Variants in SNX29 observed in about 807,000 individuals in gnomAD.
SNX29 encodes the protein sorting nexin 29, also known as sorting nexin-29.
A neutral mutation model predicts 102.1 loss-of-function variants in SNX29; 78 were observed. The ratio of observed to expected loss-of-function variants is 0.76; its 90% CI spans 0.64 to 0.92. SNX29 has a LOEUF of 0.92. Among genes scored for constraint, SNX29 ranks in the 40% least tolerant of loss-of-function variants. SNX29 has a pLI of 0.00. For synonymous variants in SNX29, 580 were observed against 414.5 expected (o/e 1.40, Z -4.85); for missense variants, 1,280 against 1,061.7 (o/e 1.21, Z -2.86).
At chr16:12,267,736 G>A (rs1248737984) in intron 14 of SNX29, among the ~76,000 whole-genome samples, 1 of 152,178 alleles carries the variant, frequency 6.6e-6, no homozygotes, top group African/African-American at 2.4e-5. Flanking sequence ...ATCTTTTGGA[G>A]GGAGATCTGA....
In SNX29 at chr16:12,477,760, C is replaced by G. The variant is rs1356894875; in HGVS notation, c.2079C>G (p.Arg693=). 1 of 1,613,174 alleles carries G rather than the reference C, an allele frequency of 6.2e-7. No homozygotes were observed. Among genetic ancestry groups the G allele is most frequent in the Non-Finnish European group, 8.5e-7 (1 of 1,179,654 alleles). ...AAGACGATGAATGGAATATTTATCG[C>G]CGGTATACAGAGTTCAGGAGTTTGC... ...RIKDDEWNIY[R]RYTEFRSLHH... is the part of the protein sequence containing the mutation. Residue 693 remains arginine (R), a synonymous_variant, in exon 19 of 21, where the codon CGC becomes CGG. Coordinates refer to ENST00000566228, the MANE Select transcript of SNX29 (RefSeq NM_032167.5).
chr16:12,311,982 A>C (rs2151138608), intron 15 of SNX29, among the ~76,000 whole-genome samples: 1 of 152,034 alleles, frequency 6.6e-6, no homozygotes, highest in Admixed American at 6.5e-5. Context: ...CTGCTTTGTT[A>C]CTCCACTGGC....
intron 20 of SNX29, among the ~76,000 whole-genome samples, chr16:12,533,584 A>G (rs928585304): frequency 3.3e-5 from 5 of 152,168 alleles, no homozygotes; most frequent in Non-Finnish European, 4.4e-5. Context: ...AACCAGGTAT[A>G]TTATTTGGAG....
intron 13 of SNX29, among the ~76,000 whole-genome samples, chr16:12,197,706 C>T (rs990107753): frequency 6.6e-6 from 1 of 152,222 alleles, no homozygotes; most frequent in Non-Finnish European, 1.5e-5. Context: ...AAAGTGCAGA[C>T]ACCTGTGGAG....
intron 20 of SNX29, among the ~76,000 whole-genome samples, chr16:12,546,060 A>C (rs1209733655): frequency 6.6e-6 from 1 of 152,234 alleles, no homozygotes; most frequent in Non-Finnish European, 1.5e-5. Flanking sequence ...GGAGTGAAGC[A>C]GTCCTGGGTT....
intron 13 of SNX29, among the ~76,000 whole-genome samples, chr16:12,145,028 G>A (rs2055008437): frequency 6.6e-6 from 1 of 152,126 alleles, no homozygotes; most frequent in Non-Finnish European, 1.5e-5. Context: ...GCCTCTTTGT[G>A]GGTTTTTAAG....
intron 18 of SNX29, among the ~76,000 whole-genome samples, chr16:12,443,788 T>C (rs1734137295): frequency 1.3e-5 from 2 of 152,260 alleles, no homozygotes; most frequent in African/African-American, 4.8e-5. Context: ...CTCTGCCGGA[T>C]GGCTGTCATG....
intron 14 of SNX29, among the ~76,000 whole-genome samples, chr16:12,277,416 C>G (rs1422460273): frequency 6.6e-6 from 1 of 151,956 alleles, no homozygotes; most frequent in Non-Finnish European, 1.5e-5. Flanking sequence ...AAAAAACAAA[C>G]AAAACCTCCA....
At chr16:12,438,060 T>C (rs1229397828) in intron 18 of SNX29, among the ~76,000 whole-genome samples, 1 of 152,194 alleles carries the variant, frequency 6.6e-6, no homozygotes, top group African/African-American at 2.4e-5. Flanking sequence ...GCTGGCTTAC[T>C]GAGAGTTTCC....
chr16:12,510,803 C>T (rs960082180), intron 19 of SNX29, among the ~76,000 whole-genome samples: 1 of 152,062 alleles, frequency 6.6e-6, no homozygotes, highest in African/African-American at 2.4e-5. Context: ...TAGGCTTTAG[C>T]TACAATAGAG....
intron 20 of SNX29, among the ~76,000 whole-genome samples, chr16:12,564,603 C>A (rs1027521418): frequency 4.6e-5 from 7 of 152,072 alleles, no homozygotes; most frequent in African/African-American, 1.7e-4. Context: ...GTTTGTGAAA[C>A]TGTAACAGAC....
chr16:12,447,437 C>G (rs2086113959), intron 18 of SNX29, among the ~76,000 whole-genome samples: 1 of 152,284 alleles, frequency 6.6e-6, no homozygotes, highest in East Asian at 1.9e-4. Context: ...CCCAAAGATT[C>G]TCAATCAGTA....
intron 20 of SNX29, among the ~76,000 whole-genome samples, chr16:12,555,570 T>C (rs2078283834): frequency 2.0e-5 from 3 of 151,666 alleles, no homozygotes; most frequent in South Asian, 4.2e-4. Flanking sequence ...CCCTCATCTC[T>C]CACCTCCATT....
At position 12,155,332 on chromosome 16, in the gene SNX29, A is replaced by G. The variant is rs189905079; in HGVS notation, c.1595+25574A>G. Among the ~76,000 whole-genome samples, 3 of 152,348 alleles carry G rather than the reference A, an allele frequency of 2.0e-5. No individual in the cohort carries two copies. In the East Asian group the frequency reaches 5.8e-4, roughly 29 times the overall value. On this transcript the variant is annotated intron_variant, in intron 13 of 20. Coordinates refer to ENST00000566228, the MANE Select transcript of SNX29 (RefSeq NM_032167.5). ...AATCCTGTGTTAAGTCGGTGGATTCAGAAGAACAGGCGCAATTTAGCAAGC... is the reference window on the plus strand; with the variant it reads ...AATCCTGTGTTAAGTCGGTGGATTCGGAAGAACAGGCGCAATTTAGCAAGC...
chr16:12,010,914 T>C (rs1464413154), intron 3 of SNX29, among the ~76,000 whole-genome samples: 2 of 152,292 alleles, frequency 1.3e-5, no homozygotes, highest in East Asian at 3.9e-4. Flanking sequence ...GAATGGCTTT[T>C]TCAGGCTTTT....
intron 19 of SNX29, among the ~76,000 whole-genome samples, chr16:12,496,945 C>T (rs2088857642): frequency 6.6e-6 from 1 of 152,168 alleles, no homozygotes; most frequent in African/African-American, 2.4e-5. Flanking sequence ...GGCATGCACT[C>T]GATTCTTGAT....
At chr16:12,532,599 T>C (rs1259454403) in intron 20 of SNX29, among the ~76,000 whole-genome samples, 1 of 151,570 alleles carries the variant, frequency 6.6e-6, no homozygotes, top group East Asian at 1.9e-4. Context: ...CCAGTCTGTC[T>C]GAGGTATTTG....
rs1389822584 is a variant in SNX29, at chr16:12,571,045, C to G, written c.*2416C>G. The stretch of plus-strand genomic sequence containing the variant: ...CAGATCCAGACCATCTCCTCTCATT[C>G]TCACTCTAAAAATGCTGGTGGCCCG... On this transcript the variant is annotated 3_prime_UTR_variant, in exon 21 of 21. Transcript: ENST00000566228. 2 of 232,684 alleles carry G rather than the reference C, an allele frequency of 8.6e-6. No homozygotes were observed. The highest frequency in any genetic ancestry group is 1.7e-5 in the Non-Finnish European group (2 of 117,736). 14.4% of individuals were successfully genotyped at this position (232,684 alleles called of 1,614,324 possible).
At chr16:12,042,876 G>T in intron 4 of SNX29, 21 bp from the exon 5 acceptor site, 7 of 1,587,890 alleles carry the variant, frequency 4.4e-6, no homozygotes, top group African/African-American at 2.7e-5. Context: ...AGTGCCAGGC[G>T]CCTGTGCCCT....
Sources: allele counts gnomAD v4.1 joint callset (sites outside exome capture counted in the v4.1 genomes callset), GRCh38; gene constraint gnomAD v4.1.1; transcripts MANE v1.5; gene names NCBI Gene and HGNC (gene_info 2026-07-23, HGNC 2026-07-21).